Variants in TMEM87A observed in about 807,000 individuals in gnomAD.
The protein encoded by TMEM87A is transmembrane protein 87A.
In TMEM87A, 50 loss-of-function variants were observed where a neutral mutation model predicts 90.0. The observed-to-expected ratio is 0.56, with a 90% CI of 0.44 to 0.70. TMEM87A has a LOEUF of 0.70. TMEM87A is among the 30% of genes least tolerant of loss of function. The probability of loss-of-function intolerance (pLI) is 0.00; values close to 1 mark genes in which losing one functional copy is unlikely to be tolerated. For missense variants in TMEM87A, 577 were observed against 660.5 expected (o/e 0.87, Z 1.39); for synonymous variants, 226 against 226.7 (o/e 1.00, Z 0.03).
Position 42,251,008 on chromosome 15 carries a change from C to T in TMEM87A, c.505-6841G>A, listed in dbSNP as rs957429973. On this transcript the variant is annotated intron_variant, in intron 6 of 19. Transcript: ENST00000389834. ...TTCATTTGATTTTCAATCACTGATA[C>T]CCTTTCTTCCACTTGATCGAATCAG... Among the ~76,000 whole-genome samples, 4 of 152,114 alleles carry T rather than the reference C, an allele frequency of 2.6e-5. No individual in the cohort carries two copies. The South Asian group carries it at 8.3e-4, about 32-fold the overall frequency.
chr15:42,222,124 G>A (rs962902014), intron 15 of TMEM87A, among the ~76,000 whole-genome samples: 3 of 151,960 alleles, frequency 2.0e-5, no homozygotes, highest in Admixed American at 6.5e-5. Context: ...GCAATGGCGC[G>A]ATCTCAGCTC....
chr15:42,214,240 G>A (rs1296978578), intron 19 of TMEM87A, among the ~76,000 whole-genome samples: 2 of 152,072 alleles, frequency 1.3e-5, no homozygotes, highest in East Asian at 3.8e-4. Flanking sequence ...GTCCTACCAG[G>A]TACTTAAAGA....
intron 6 of TMEM87A, chr15:42,258,669 T>C (rs766073145): frequency 4.3e-5 from 48 of 1,106,052 alleles, no homozygotes; most frequent in Non-Finnish European, 5.3e-5. Flanking sequence ...TCAAGTCATC[T>C]GCCCACCTTG....
intron 10 of TMEM87A, among the ~76,000 whole-genome samples, chr15:42,236,106 A>G (rs2050765047): frequency 6.6e-6 from 1 of 151,924 alleles, no homozygotes; most frequent in South Asian, 2.1e-4. Flanking sequence ...GGAAGTATGG[A>G]ATATATTTGG....
At chr15:42,231,993 G>C (rs2050693669) in intron 11 of TMEM87A, 1 of 776,270 alleles carries the variant, frequency 1.3e-6, no homozygotes, top group Non-Finnish European at 1.8e-6. Context: ...ATTACATACA[G>C]AGGACAGTGT....
intron 6 of TMEM87A, among the ~76,000 whole-genome samples, chr15:42,255,003 T>C (rs1244592925): frequency 6.7e-6 from 1 of 150,088 alleles, no homozygotes; most frequent in Non-Finnish European, 1.5e-5. Context: ...CTTGCTTTAT[T>C]GCTTAGACTG....
chr15:42,227,212 C>G (rs1439418930), intron 14 of TMEM87A, among the ~76,000 whole-genome samples: 2 of 152,056 alleles, frequency 1.3e-5, no homozygotes, highest in Non-Finnish European at 2.9e-5. Context: ...AGAAAGTTAC[C>G]TTATACAGTG....
chr15:42,223,490 G>A (rs1413226956), intron 15 of TMEM87A, among the ~76,000 whole-genome samples: 1 of 152,204 alleles, frequency 6.6e-6, no homozygotes, highest in East Asian at 1.9e-4. Flanking sequence ...TTCCCAGGGT[G>A]ACAGTGTTGG....
chr15:42,272,833 G>C, intron 1 of TMEM87A: 1 of 419,886 alleles, frequency 2.4e-6, no homozygotes, highest in South Asian at 1.7e-5. Flanking sequence ...AATTACCCAG[G>C]GACCAAGAAG....
chr15:42,228,623 T>C (rs1229030081), intron 13 of TMEM87A, 89 bp downstream of exon 13: 40 of 1,088,146 alleles, frequency 3.7e-5, no homozygotes, highest in Non-Finnish European at 5.2e-5. Flanking sequence ...TATACAAAAC[T>C]TTCTATGTCC....
chr15:42,263,040 T>C (rs927332304), intron 4 of TMEM87A, among the ~76,000 whole-genome samples: 20 of 152,228 alleles, frequency 1.3e-4, no homozygotes, highest in African/African-American at 4.1e-4. Flanking sequence ...AAGACAATGA[T>C]GATACCCTTC....
rs769522971 is a variant in TMEM87A at position 42,264,070 on chromosome 15, C to T, written c.405+20G>A. 3.8e-6 allele frequency: 6 copies of T among 1,587,218 alleles called. No homozygotes were observed. The Admixed American group carries it at 1.0e-4, about 27-fold the overall frequency. On this transcript the variant is annotated intron_variant, in intron 4 of 19. Coordinates refer to ENST00000389834, the MANE Select transcript of TMEM87A (RefSeq NM_015497.5). ...AATTTTTGCCTATTCTATTTATCTCCAATCACTTTCAAAGATTACCTGTGT... is the reference window on the plus strand; with the variant it reads ...AATTTTTGCCTATTCTATTTATCTCTAATCACTTTCAAAGATTACCTGTGT...
At chr15:42,220,899 C>T (rs1246912269) in intron 15 of TMEM87A, among the ~76,000 whole-genome samples, 2 of 152,180 alleles carry the variant, frequency 1.3e-5, no homozygotes, top group African/African-American at 4.8e-5. Context: ...TCACACCATT[C>T]TCCTGCCTCA....
At chr15:42,230,262 C>T (rs2050665553) in intron 12 of TMEM87A, among the ~76,000 whole-genome samples, 2 of 152,224 alleles carry the variant, frequency 1.3e-5, no homozygotes, top group Non-Finnish European at 2.9e-5. Flanking sequence ...TCTCTCAACG[C>T]TTGCAGAGGT....
chr15:42,252,840 G>A (rs146231872), intron 6 of TMEM87A, among the ~76,000 whole-genome samples: 2 of 151,974 alleles, frequency 1.3e-5, no homozygotes, highest in East Asian at 3.8e-4. Flanking sequence ...TATGCCATAC[G>A]TTGTTTCTGT....
At chr15:42,268,135 A>AT in intron 2 of TMEM87A, 103 bp from the exon 3 acceptor site, 1 of 793,618 alleles carries the variant, frequency 1.3e-6, no homozygotes, top group South Asian at 1.9e-5. Context: ...CTAAACTGAG[A>AT]TACTCAAAGA....
In TMEM87A at chr15:42,238,749, CT is replaced by C. The variant is rs374648537; in HGVS notation, c.684+920del. Among the ~76,000 whole-genome samples the C allele has an allele frequency of 2.8e-3, 330 of 119,590 alleles. 2 individuals carry two copies. The highest frequency in any genetic ancestry group is 9.4e-3 in the African/African-American group (296 of 31,382). 78.5% of individuals were successfully genotyped at this position (119,590 alleles called of 152,430 possible). A position where few individuals can be genotyped will look rare whatever the true frequency, so the allele number is the denominator to read the frequency against. Reference sequence around the variant, plus strand: ...AGCCTGGGAGACAGAGTGAGACTCTCTTTTTTTTTTTTTTTTTTTAAAGAAG... The same window carrying C: ...AGCCTGGGAGACAGAGTGAGACTCTCTTTTTTTTTTTTTTTTTTAAAGAAG... On this transcript the variant is annotated intron_variant, in intron 8 of 19. Coordinates refer to ENST00000389834, the MANE Select transcript of TMEM87A (RefSeq NM_015497.5).
At position 42,260,964 on chromosome 15, in the gene TMEM87A, G is replaced by A. The variant is rs774708108; in HGVS notation, c.498C>T (p.Asp166=). Residue 166 remains aspartate, a synonymous_variant, in exon 6 of 20, where the codon GAC becomes GAT. Coordinates refer to ENST00000389834, the MANE Select transcript of TMEM87A (RefSeq NM_015497.5). ...AATCCCCAAATATACTTACGGTTTT[G>A]TCTCCAATAAAGGTAAGGTTTGTTC... The part of the protein sequence containing the change: ...ENGTNLTFIG[D]KTAMHEPLQT... 1 of 1,607,400 alleles carries A rather than the reference G, an allele frequency of 6.2e-7. No individual in the cohort carries two copies. The highest frequency in any genetic ancestry group is 1.1e-5 in the South Asian group (1 of 89,434).
chr15:42,267,973 A>G lies in TMEM87A; in HGVS notation c.265T>C (p.Cys89Arg). ...NITWYLKSAD[C>R]YNEIYNFKAE... ...TTGAAGTTATAGATTTCATTGTAAC[A>G]ATCAGCGCTTTTCAGATACCAGGTT... is the stretch of plus-strand genomic sequence containing the variant. Residue 89 changes from cysteine (C) to arginine (R), a missense_variant, in exon 3 of 20, where the codon TGT becomes CGT. Transcript: ENST00000389834. The G allele has an allele frequency of 6.2e-7, 1 of 1,613,654 alleles. No individual in the cohort carries two copies. The highest frequency in any genetic ancestry group is 8.5e-7 in the Non-Finnish European group (1 of 1,179,800).
Sources: allele counts gnomAD v4.1 joint callset (sites outside exome capture counted in the v4.1 genomes callset), GRCh38; gene constraint gnomAD v4.1.1; transcripts MANE v1.5; gene names NCBI Gene and HGNC (gene_info 2026-07-23, HGNC 2026-07-21).